Variants in COL20A1 observed in about 807,000 individuals in gnomAD.
The protein encoded by COL20A1 is collagen alpha-1(XX) chain.
In COL20A1, 164 loss-of-function variants were observed where a neutral mutation model predicts 152.9. The observed-to-expected ratio is 1.07, with a 90% CI of 0.94 to 1.22. The LOEUF (loss-of-function observed/expected upper bound fraction) is 1.22, where lower values mean the gene tolerates loss of function less well. COL20A1 is among the 50% of genes most tolerant of loss of function. COL20A1 has a pLI of 0.00. For missense variants in COL20A1, 1,873 were observed against 1,744.8 expected (o/e 1.07, Z -1.31); for synonymous variants, 864 against 756.0 (o/e 1.14, Z -2.34).
In COL20A1 at chr20:63,319,647, G is replaced by C. The variant is rs867681082; in HGVS notation, c.2916+51G>C. The C allele has an allele frequency of 3.6e-5, 48 of 1,345,602 alleles. No individual in the cohort carries two copies. The Middle Eastern group carries it at 2.0e-3, about 57-fold the overall frequency. The allele number at this position is 1,345,602 out of a possible 1,614,324, so 83.4% of individuals were successfully genotyped here. A position where few individuals can be genotyped will look rare whatever the true frequency, so the allele number is the denominator to read the frequency against. On this transcript the variant is annotated intron_variant, in intron 23 of 35. Transcript: ENST00000358894. The surrounding 1 kb of genome is among the most constrained non-coding windows in gnomAD (Gnocchi z 4.4). ...CCCCCGTTCCCCCAGCTCTGGGGCA[G>C]CCCAGCCCCACAGGGACCTGCCGGA...
intron 6 of COL20A1, 25 bp from the exon 7 acceptor site, chr20:63,307,946 C>T (rs2067949048): frequency 6.2e-7 from 1 of 1,610,264 alleles, no homozygotes; most frequent in South Asian, 1.1e-5. Flanking sequence ...GAAACTCAGC[C>T]CGTGGCCATG....
At chr20:63,295,267 C>T (rs1300976770) in intron 2 of COL20A1, 78 bp downstream of exon 2, 6 of 926,892 alleles carry the variant, frequency 6.5e-6, no homozygotes, top group Admixed American at 2.3e-5. Flanking sequence ...GACGAGCCCT[C>T]CGCCCCTGAG....
chr20:63,312,097 C>A lies in COL20A1; in HGVS notation c.1803+42C>A, dbSNP rs778575432. 6.6e-6 allele frequency: 10 copies of A among 1,509,702 alleles called. No individual in the cohort carries two copies. In the South Asian group the frequency reaches 1.0e-4, roughly 16 times the overall value. 93.5% of individuals were successfully genotyped at this position (1,509,702 alleles called of 1,614,324 possible). A position where few individuals can be genotyped will look rare whatever the true frequency, so the allele number is the denominator to read the frequency against. ...CCGGGGGCCCGAGTGTCTTGAGGGA[C>A]CACAGGGCCCTGTCTGGCAGGCATG... On this transcript the variant is annotated intron_variant, in intron 14 of 35. Coordinates refer to ENST00000358894, the MANE Select transcript of COL20A1 (RefSeq NM_020882.4).
chr20:63,312,359 AC>A, intron 14 of COL20A1, 60 bp from the exon 15 acceptor site: 1 of 1,450,090 alleles, frequency 6.9e-7, no homozygotes. Context: ...CTGATTCTCC[AC>A]CCCAGCAAGG....
At chr20:63,299,815 A>G (rs1238678945) in intron 3 of COL20A1, among the ~76,000 whole-genome samples, 2 of 151,456 alleles carry the variant, frequency 1.3e-5, no homozygotes, top group African/African-American at 4.9e-5. Flanking sequence ...AACATAATAT[A>G]TACATATATA....
At position 63,311,817 on chromosome 20, in the gene COL20A1, C is replaced by A; in HGVS notation, c.1663+69C>A. 1 of 1,532,812 alleles carries A rather than the reference C, an allele frequency of 6.5e-7. No homozygotes were observed. The highest frequency in any genetic ancestry group is 8.7e-7 in the Non-Finnish European group (1 of 1,144,102). The allele number at this position is 1,532,812 out of a possible 1,614,324, so 95.0% of individuals were successfully genotyped here. On this transcript the variant is annotated intron_variant, in intron 13 of 35. Transcript: ENST00000358894. This position sits in a 1 kb window ranked among gnomAD's most constrained non-coding sequence, Gnocchi z 4.4. ...CATCTTGTTCCTCAGCCTTCCATGG[C>A]ATGGGAGACCTCAGGCCCCCTCGGT... is the stretch of plus-strand genomic sequence containing the variant.
chr20:63,328,600 C>A, intron 34 of COL20A1, 102 bp downstream of exon 34: 1 of 1,141,356 alleles, frequency 8.8e-7, no homozygotes, highest in Non-Finnish European at 1.2e-6. Context: ...AGCACAGCAG[C>A]TCCTGCTGGA....
At position 63,313,624 on chromosome 20, in the gene COL20A1, C is replaced by A; in HGVS notation, c.2210-119C>A. 1 of 969,178 alleles carries A rather than the reference C, an allele frequency of 1.0e-6. No individual in the cohort carries two copies. Among genetic ancestry groups the A allele is most frequent in the Non-Finnish European group, 1.5e-6 (1 of 672,776 alleles). The allele number at this position is 969,178 out of a possible 1,614,324, so 60.0% of individuals were successfully genotyped here. ...GATGCGGGCTGTGGTAGGGGTGTGG[C>A]ATGATGTGGTGGAGGCATTACGCAG... On this transcript the variant is annotated intron_variant, in intron 17 of 35. Transcript: ENST00000358894. This position sits in a 1 kb window ranked among gnomAD's most constrained non-coding sequence, Gnocchi z 5.9.
intron 26 of COL20A1, among the ~76,000 whole-genome samples, 186 bp from the exon 27 acceptor site, chr20:63,321,872 G>A (rs1884820): frequency 6.6e-6 from 1 of 152,046 alleles, no homozygotes; most frequent in Non-Finnish European, 1.5e-5. Flanking sequence ...CTATGAGAGG[G>A]AAGGATGGGC....
In COL20A1 at chr20:63,311,621, G is replaced by A. The variant is rs1035168070; in HGVS notation, c.1540-4G>A. The A allele has an allele frequency of 6.2e-7, 1 of 1,610,436 alleles. No individual in the cohort carries two copies. Among genetic ancestry groups the A allele is most frequent in the Non-Finnish European group, 8.5e-7 (1 of 1,179,666 alleles). On this transcript the variant is annotated splice_polypyrimidine_tract_variant and splice_region_variant and intron_variant, in intron 12 of 35. Transcript: ENST00000358894. This position sits in a 1 kb window ranked among gnomAD's most constrained non-coding sequence, Gnocchi z 4.4. ...GGCTGGCCTGGGACGTCATGTCTCT[G>A]CAGGTGCAGGTCGGGCGGCCCGAGG...
intron 21 of COL20A1, among the ~76,000 whole-genome samples, chr20:63,317,781 G>T (rs372451961): frequency 6.6e-6 from 1 of 151,948 alleles, no homozygotes; most frequent in Non-Finnish European, 1.5e-5. Context: ...TCTCTTCAGG[G>T]TGGTATAGTT....
At position 63,319,534 on chromosome 20, in the gene COL20A1, T is replaced by C. The variant is rs768066809; in HGVS notation, c.2854T>C (p.Leu952=). The change falls in exon 23 of 36, where the codon TTG becomes CTG. Residue 952 remains leucine, a synonymous_variant. Transcript: ENST00000358894. The surrounding 1 kb of genome is among the most constrained non-coding windows in gnomAD (Gnocchi z 4.4). The stretch of plus-strand genomic sequence containing the variant: ...CTTCCACCGTGACCCCAGGGCTGCC[T>C]TGCAGGAGGCCACCTTCGACCCGCA... ...TYFHRDPRAA[L]QEATFDPQEV... 1 of 1,597,178 alleles carries C rather than the reference T, an allele frequency of 6.3e-7. No individual in the cohort carries two copies.
intron 20 of COL20A1, 64 bp downstream of exon 20, chr20:63,315,503 G>A: frequency 7.0e-7 from 1 of 1,424,838 alleles, no homozygotes; most frequent in Non-Finnish European, 9.5e-7. Flanking sequence ...CCTGGGCGTG[G>A]GGGCCAAGGG....
At chr20:63,327,374 T>A (rs148503715) in intron 31 of COL20A1, 2,755 of 177,040 alleles carry the variant, frequency 0.016, 100 homozygotes, top group Admixed American at 0.08. Flanking sequence ...TAAGGGCTGG[T>A]TCTGCACCTC....
In COL20A1 at chr20:63,321,104, G is replaced by C; in HGVS notation, c.3240+5G>C. On this transcript the variant is annotated splice_donor_5th_base_variant and intron_variant, in intron 26 of 35. Coordinates refer to ENST00000358894, the MANE Select transcript of COL20A1 (RefSeq NM_020882.4). ...CCAGGACCTCAAGGACCCCCAGTGA[G>C]TCCAGTGGCGTCTCCTTGGGGTGAC... 1 of 1,575,974 alleles carries C rather than the reference G, an allele frequency of 6.3e-7. No homozygotes were observed.
intron 25 of COL20A1, 60 bp downstream of exon 25, chr20:63,320,428 G>A: frequency 2.6e-6 from 4 of 1,518,742 alleles, no homozygotes; most frequent in Non-Finnish European, 2.7e-6. Context: ...CCCACTGAGG[G>A]TCACAGTGCC....
rs117846427 is a variant in COL20A1 at position 63,326,795 on chromosome 20, G to A, written c.3500G>A (p.Arg1167Gln). The part of the protein sequence containing the change: ...MAGARGTSGE[R>Q]GPPGTVGPTG... ...GGGGCCAGGGGCACTAGTGGAGAGC[G>A]AGGACCTCCAGGGACCGTGGGGCCC... The change falls in exon 31 of 36, where the codon CGA (arginine) becomes CAA (glutamine). Residue 1167 changes from arginine (R) to glutamine (Q), a missense_variant. Coordinates refer to ENST00000358894, the MANE Select transcript of COL20A1 (RefSeq NM_020882.4). 4.8e-5 allele frequency: 72 copies of A among 1,502,834 alleles called. 1 individual carries two copies. Among genetic ancestry groups the A allele is most frequent in the East Asian group, 1.4e-4 (5 of 36,966 alleles). 93.1% of individuals were successfully genotyped at this position (1,502,834 alleles called of 1,614,324 possible).
chr20:63,303,652 C>T (rs1355607382), intron 3 of COL20A1, among the ~76,000 whole-genome samples: 1 of 152,228 alleles, frequency 6.6e-6, no homozygotes, highest in Admixed American at 6.5e-5. Context: ...ACACCCCTGC[C>T]TCCCATTTGC....
Position 63,297,906 on chromosome 20 carries a change from G to A in COL20A1, c.83-4G>A, listed in dbSNP as rs1266756513. The stretch of plus-strand genomic sequence containing the variant: ...GTCCTGACCACTATGTCCTGTTTCT[G>A]TAGCAAGCGGTCTCCTGAGGCTGGC... On this transcript the variant is annotated splice_region_variant and splice_polypyrimidine_tract_variant and intron_variant, in intron 2 of 35. Coordinates refer to ENST00000358894, the MANE Select transcript of COL20A1 (RefSeq NM_020882.4). 6.2e-7 allele frequency: 1 copy of A among 1,612,452 alleles called. No homozygotes were observed. The highest frequency in any genetic ancestry group is 8.5e-7 in the Non-Finnish European group (1 of 1,179,140).
Sources: gnomAD v4.1 joint callset for allele counts (sites outside exome capture counted in the v4.1 genomes callset) on GRCh38, gnomAD v4.1.1 for gene constraint, Gnocchi (gnomAD v3.1) non-coding constraint, MANE v1.5 for transcripts, NCBI Gene and HGNC (gene_info 2026-07-23, HGNC 2026-07-21) for gene names.